The following GRM1 variants were observed in gnomAD, a reference collection of about 807,000 sequenced individuals.
GRM1 encodes glutamate metabotropic receptor 1.
Under a neutral mutation model 90.9 loss-of-function variants are expected in GRM1, and 33 were observed. The ratio of observed to expected loss-of-function variants is 0.36; its 90% CI spans 0.28 to 0.49. The LOEUF is 0.49. GRM1 is among the 20% of genes least tolerant of loss of function. The pLI, the probability that GRM1 is intolerant of heterozygous loss-of-function variation, is 0.99. For synonymous variants in GRM1, 700 were observed against 613.2 expected (o/e 1.14, Z -2.09); for missense variants, 1,190 against 1,534.3 (o/e 0.78, Z 3.75).
chr6:146,157,218 G>A (rs1432563081), intron 1 of GRM1, among the ~76,000 whole-genome samples: 3 of 152,172 alleles, frequency 2.0e-5, no homozygotes, highest in Non-Finnish European at 2.9e-5. Flanking sequence ...GACCAGTGAA[G>A]TGAGGAAAAC....
At chr6:146,084,598 G>A (rs1228592891) in intron 1 of GRM1, among the ~76,000 whole-genome samples, 2 of 152,134 alleles carry the variant, frequency 1.3e-5, no homozygotes, top group East Asian at 3.9e-4. Context: ...TGTGGTCTGA[G>A]GGATTGTTTG....
rs561714971 is a variant in GRM1 at position 146,106,416 on chromosome 6, G to C, written c.701-52932G>C. On this transcript the variant is annotated intron_variant, in intron 1 of 7. Coordinates refer to ENST00000282753, the MANE Select transcript of GRM1 (RefSeq NM_001278064.2). ...AGGAAATGAATTCTTGGCTATAAAG[G>C]TGGTGGGCCCCAGACAGTACTCCCC... is the stretch of plus-strand genomic sequence containing the variant. Among the ~76,000 whole-genome samples the C allele has an allele frequency of 2.0e-5, 3 of 152,240 alleles. No individual in the cohort carries two copies. The South Asian group carries it at 6.2e-4, about 32-fold the overall frequency.
intron 2 of GRM1, among the ~76,000 whole-genome samples, chr6:146,248,315 G>A (rs1781146533): frequency 6.6e-6 from 1 of 152,164 alleles, no homozygotes; most frequent in Non-Finnish European, 1.5e-5. Context: ...TTGTGATATG[G>A]TTTGGCTCTG....
chr6:146,161,525 A>T (rs145406315), intron 2 of GRM1, among the ~76,000 whole-genome samples: 1 of 152,052 alleles, frequency 6.6e-6, no homozygotes, highest in Non-Finnish European at 1.5e-5. Context: ...GCTACATGTG[A>T]TGTCTACCTC....
chr6:146,284,454 G>T (rs1220353908), intron 2 of GRM1, among the ~76,000 whole-genome samples: 1 of 152,156 alleles, frequency 6.6e-6, no homozygotes, highest in African/African-American at 2.4e-5. Context: ...CATGAGTAAT[G>T]CAAAAAGAGG....
chr6:146,357,742 G>C, intron 5 of GRM1, 48 bp downstream of exon 5: 1 of 1,428,260 alleles, frequency 7.0e-7, no homozygotes, highest in African/African-American at 1.4e-5. Flanking sequence ...GAGGTTGGCT[G>C]CCTGGACATT....
At chr6:146,060,091 T>A (rs1315078701) in intron 1 of GRM1, among the ~76,000 whole-genome samples, 1 of 152,122 alleles carries the variant, frequency 6.6e-6, no homozygotes, top group Non-Finnish European at 1.5e-5. Flanking sequence ...CTTGGCTAAC[T>A]TTTTGGTGAA....
chr6:146,301,354 T>G (rs1783373239), intron 2 of GRM1, among the ~76,000 whole-genome samples: 1 of 152,182 alleles, frequency 6.6e-6, no homozygotes, highest in Non-Finnish European at 1.5e-5. Context: ...AGATAAAGTT[T>G]TCGTCCTATA....
chr6:146,127,793 C>T (rs1388946941), intron 1 of GRM1, among the ~76,000 whole-genome samples: 1 of 152,102 alleles, frequency 6.6e-6, no homozygotes, highest in African/African-American at 2.4e-5. Context: ...TTCTGGTTGT[C>T]TATTGATATG....
intron 3 of GRM1, among the ~76,000 whole-genome samples, chr6:146,333,327 C>A (rs932461071): frequency 6.6e-6 from 1 of 152,106 alleles, no homozygotes; most frequent in South Asian, 2.1e-4. Context: ...GACCAAGAGA[C>A]AAAAGCCTAC....
chr6:146,061,526 A>G (rs533428180), intron 1 of GRM1, among the ~76,000 whole-genome samples: 1 of 152,296 alleles, frequency 6.6e-6, no homozygotes, highest in South Asian at 2.1e-4. Context: ...AAGAGTAAAC[A>G]GGTGACCTAC....
At chr6:146,412,231 T>G (rs1185155435) in intron 7 of GRM1, among the ~76,000 whole-genome samples, 2 of 152,188 alleles carry the variant, frequency 1.3e-5, no homozygotes, top group Admixed American at 1.3e-4. Flanking sequence ...CTTCATGAAC[T>G]GTTTAATATA....
chr6:146,137,388 C>A (rs891263541), intron 1 of GRM1, among the ~76,000 whole-genome samples: 2 of 152,118 alleles, frequency 1.3e-5, no homozygotes, highest in Non-Finnish European at 2.9e-5. Flanking sequence ...TATGGATACC[C>A]AGTTTTCCTA....
chr6:146,218,558 C>A (rs1779951478), intron 2 of GRM1, among the ~76,000 whole-genome samples: 1 of 151,930 alleles, frequency 6.6e-6, no homozygotes, highest in African/African-American at 2.4e-5. Flanking sequence ...CTGACAAAGT[C>A]AGTTAGTATC....
chr6:146,052,839 C>G (rs185549306), intron 1 of GRM1, among the ~76,000 whole-genome samples: 2 of 151,964 alleles, frequency 1.3e-5, no homozygotes, highest in Non-Finnish European at 2.9e-5. Context: ...TGGAAATTAT[C>G]TCATTTATGC....
rs992225842 is a variant in GRM1 at position 146,437,579 on chromosome 6, A to G, written c.*2783A>G. 1.3e-5 allele frequency: 2 copies of G among 152,628 alleles called. No individual in the cohort carries two copies. The highest frequency in any genetic ancestry group is 4.8e-5 in the African/African-American group (2 of 41,454). The allele number at this position is 152,628 out of a possible 1,614,324, so 9.5% of individuals were successfully genotyped here. On this transcript the variant is annotated 3_prime_UTR_variant, in exon 8 of 8. Coordinates refer to ENST00000282753, the MANE Select transcript of GRM1 (RefSeq NM_001278064.2). ...CAAATAATCTTGACAATGCTGTATA[A>G]TAAATATTTTCTATTTATTAAATGT... is the stretch of plus-strand genomic sequence containing the variant.
At chr6:146,390,725 G>T (rs1776683578) in intron 6 of GRM1, among the ~76,000 whole-genome samples, 1 of 151,906 alleles carries the variant, frequency 6.6e-6, no homozygotes, top group Non-Finnish European at 1.5e-5. Flanking sequence ...CCTGTTTTGT[G>T]CCAGGTACTT....
intron 7 of GRM1, among the ~76,000 whole-genome samples, chr6:146,406,074 A>G (rs181258359): frequency 1.1e-3 from 167 of 152,348 alleles, no homozygotes; most frequent in Non-Finnish European, 1.8e-3. Context: ...AGGGTATCAT[A>G]GAGGAGAACT....
intron 4 of GRM1, among the ~76,000 whole-genome samples, chr6:146,354,110 C>T (rs1183464881): frequency 1.3e-5 from 2 of 152,196 alleles, no homozygotes; most frequent in East Asian, 3.8e-4. Flanking sequence ...CGATATCAGT[C>T]ATTGTCAGCA....
Sources: gnomAD v4.1 joint callset for allele counts (sites outside exome capture counted in the v4.1 genomes callset) on GRCh38, gnomAD v4.1.1 for gene constraint, MANE v1.5 for transcripts, NCBI Gene and HGNC (gene_info 2026-07-23, HGNC 2026-07-21) for gene names.